MAN1A1: variants seen among roughly 807,000 people sequenced by gnomAD.
The protein encoded by MAN1A1 is mannosidase alpha class 1A member 1.
MAN1A1 carries 29 observed loss-of-function variants against 70.8 expected under a neutral mutation model. The ratio of observed to expected loss-of-function variants is 0.41; its 90% CI spans 0.31 to 0.56. The LOEUF (loss-of-function observed/expected upper bound fraction) is 0.56. Ranked by LOEUF, MAN1A1 falls within the 20% of genes least tolerant of loss-of-function variation. MAN1A1 has a pLI of 0.29. For missense variants in MAN1A1, 747 were observed against 841.3 expected (o/e 0.89, Z 1.39); for synonymous variants, 349 against 330.1 (o/e 1.06, Z -0.62).
chr6:119,203,317 C>A (rs781007485), intron 7 of MAN1A1, among the ~76,000 whole-genome samples: 1 of 151,874 alleles, frequency 6.6e-6, no homozygotes, highest in African/African-American at 2.4e-5. Flanking sequence ...GAGTAGGCCA[C>A]GTGGAAATGT....
chr6:119,281,955 G>A (rs1252460108), intron 5 of MAN1A1, among the ~76,000 whole-genome samples: 4 of 152,016 alleles, frequency 2.6e-5, no homozygotes, highest in South Asian at 4.1e-4. Flanking sequence ...CCAGCTACTC[G>A]GGAGGCTGAG....
chr6:119,290,647 T>G lies in MAN1A1; in HGVS notation c.897+36A>C, dbSNP rs1336167405. ...TACCAAAAATGTAGTTTAAGACACTTTATAATTCACATTTATATACCACTT... is the reference window on the plus strand; with the variant it reads ...TACCAAAAATGTAGTTTAAGACACTGTATAATTCACATTTATATACCACTT... On this transcript the variant is annotated intron_variant, in intron 5 of 12. Transcript: ENST00000368468. 2.0e-6 allele frequency: 3 copies of G among 1,473,618 alleles called. No individual in the cohort carries two copies. The Admixed American group carries it at 5.6e-5, about 28-fold the overall frequency. The allele number at this position is 1,473,618 out of a possible 1,614,324, so 91.3% of individuals were successfully genotyped here. A position where few individuals can be genotyped will look rare whatever the true frequency, so the allele number is the denominator to read the frequency against.
chr6:119,196,794 C>G (rs2114940147), intron 8 of MAN1A1, among the ~76,000 whole-genome samples: 1 of 152,268 alleles, frequency 6.6e-6, no homozygotes, highest in East Asian at 1.9e-4. Flanking sequence ...ATGCTAGTGA[C>G]ACTACACATA....
intron 2 of MAN1A1, among the ~76,000 whole-genome samples, chr6:119,340,401 T>C (rs1773566700): frequency 6.6e-6 from 1 of 152,114 alleles, no homozygotes; most frequent in Non-Finnish European, 1.5e-5. Context: ...TCCTGTCCTA[T>C]TTCTGAGATC....
intron 6 of MAN1A1, among the ~76,000 whole-genome samples, chr6:119,224,661 G>A (rs975838618): frequency 3.3e-5 from 5 of 152,158 alleles, no homozygotes; most frequent in Admixed American, 6.5e-5. Context: ...ATAGGAAAAC[G>A]TGACCCATGC....
chr6:119,256,790 C>T (rs1299149685), intron 5 of MAN1A1, among the ~76,000 whole-genome samples: 4 of 152,142 alleles, frequency 2.6e-5, no homozygotes, highest in Non-Finnish European at 5.9e-5. Context: ...TCCTGAGGAA[C>T]GTTTCTGCTC....
chr6:119,193,434 TTA>T (rs2114936530), intron 9 of MAN1A1, among the ~76,000 whole-genome samples: 1 of 152,316 alleles, frequency 6.6e-6, no homozygotes, highest in Admixed American at 6.5e-5. Context: ...TCAGGCAATT[TTA>T]ACTTAGGCAA....
intron 5 of MAN1A1, among the ~76,000 whole-genome samples, chr6:119,249,815 T>A (rs534815805): frequency 4.2e-4 from 64 of 151,966 alleles, no homozygotes; most frequent in East Asian, 2.3e-3. Context: ...TAAAAAAAAA[T>A]TTTTTTTAAA....
At chr6:119,294,354 C>T (rs1772138269) in intron 4 of MAN1A1, among the ~76,000 whole-genome samples, 1 of 152,014 alleles carries the variant, frequency 6.6e-6, no homozygotes, top group Admixed American at 6.6e-5. Context: ...TACCGACTTA[C>T]CCTAATGACA....
At chr6:119,236,913 A>G (rs1774862105) in intron 6 of MAN1A1, among the ~76,000 whole-genome samples, 1 of 151,994 alleles carries the variant, frequency 6.6e-6, no homozygotes, top group African/African-American at 2.4e-5. Flanking sequence ...AAAAATCAAC[A>G]TTAACAGGAG....
chr6:119,340,339 C>G (rs1213817266), intron 2 of MAN1A1, among the ~76,000 whole-genome samples: 2 of 152,190 alleles, frequency 1.3e-5, no homozygotes, highest in Non-Finnish European at 2.9e-5. Flanking sequence ...ACCTAAACAT[C>G]AGCTCAGGAA....
intron 2 of MAN1A1, among the ~76,000 whole-genome samples, chr6:119,326,488 C>T (rs2114485017): frequency 6.6e-6 from 1 of 152,332 alleles, no homozygotes; most frequent in South Asian, 2.1e-4. Flanking sequence ...GTCATGCAGG[C>T]TCGGATGCCT....
intron 2 of MAN1A1, among the ~76,000 whole-genome samples, chr6:119,345,054 T>G (rs1342395112): frequency 1.3e-5 from 2 of 152,012 alleles, no homozygotes; most frequent in Admixed American, 1.3e-4. Context: ...ACAACCTGAC[T>G]GTCTTTAGCC....
intron 11 of MAN1A1, among the ~76,000 whole-genome samples, chr6:119,184,683 C>A (rs1773238793): frequency 6.6e-6 from 1 of 151,236 alleles, no homozygotes; most frequent in Non-Finnish European, 1.5e-5. Flanking sequence ...TGCAAAAAAA[C>A]AAAACCAAAA....
chr6:119,343,055 A>T (rs990212482), intron 2 of MAN1A1, among the ~76,000 whole-genome samples: 12 of 152,280 alleles, frequency 7.9e-5, no homozygotes, highest in African/African-American at 2.2e-4. Context: ...ACAAAGAAGA[A>T]GATTTCTAAA....
Position 119,348,641 on chromosome 6 carries a change from A to C in MAN1A1, c.425T>G (p.Leu142Arg), listed in dbSNP as rs1773808607. ...GATGTCTCTTTGGATCTCCTCGGGC[A>C]GCTTCTGCAGGGTCTCCTTGGCTTC... ...LREAKETLQK[L>R]PEEIQRDILL... The change falls in exon 2 of 13, where the codon CTG (leucine) becomes CGG (arginine). Residue 142 changes from leucine to arginine, a missense_variant. This residue lies in a region of MAN1A1 where 328 missense variants were observed against 293.1 expected (regional missense o/e 1.12). Coordinates refer to ENST00000368468, the MANE Select transcript of MAN1A1 (RefSeq NM_005907.4). 1 of 1,613,852 alleles carries C rather than the reference A, an allele frequency of 6.2e-7. No homozygotes were observed. The highest frequency in any genetic ancestry group is 8.5e-7 in the Non-Finnish European group (1 of 1,179,892).
At chr6:119,267,629 A>T (rs1408493) in intron 5 of MAN1A1, among the ~76,000 whole-genome samples, 63,541 of 152,024 alleles carry the variant, frequency 0.42, 13,779 homozygotes, top group East Asian at 0.65. Flanking sequence ...ATCCAGATCA[A>T]GAAACAGGAC....
At chr6:119,223,181 T>C (rs556758824) in intron 6 of MAN1A1, among the ~76,000 whole-genome samples, 4 of 152,290 alleles carry the variant, frequency 2.6e-5, no homozygotes, top group African/African-American at 9.6e-5. Flanking sequence ...TGTTTTTGTA[T>C]TTACTGAAAT....
rs371155323 is a variant in MAN1A1, at chr6:119,234,419, T to A, written c.992+13841A>T. ...TATGCAAAATAAACATTAAAAAAAA[T>A]TTTTTTTTTTGAGAGACAGGGTCTC... On this transcript the variant is annotated intron_variant, in intron 6 of 12. Transcript: ENST00000368468. Among the ~76,000 whole-genome samples the A allele has an allele frequency of 2.9e-4, 44 of 149,970 alleles. No homozygotes were observed. The South Asian group carries it at 3.4e-3, about 11-fold the overall frequency.
Sources: gnomAD v4.1 joint callset for allele counts (sites outside exome capture counted in the v4.1 genomes callset) on GRCh38, gnomAD v4.1.1 for gene constraint, gnomAD v4.1.1 regional missense constraint, MANE v1.5 for transcripts, NCBI Gene and HGNC (gene_info 2026-07-23, HGNC 2026-07-21) for gene names.